The following KLF8 variants were observed in gnomAD, a reference collection of about 807,000 sequenced individuals.
KLF8 encodes Krueppel-like factor 8.
KLF8 carries 10 observed loss-of-function variants against 18.2 expected under a neutral mutation model. The ratio of observed to expected loss-of-function variants is 0.55; its 90% CI spans 0.34 to 0.93. KLF8 has a LOEUF of 0.93. Ranked by LOEUF, KLF8 falls within the 40% of genes least tolerant of loss-of-function variation. The pLI, the probability that KLF8 is intolerant of heterozygous loss-of-function variation, is 0.02. For synonymous variants in KLF8, 109 were observed against 97.3 expected (o/e 1.12, Z -0.71); for missense variants, 264 against 277.9 (o/e 0.95, Z 0.36).
chrX:56,097,251 G>A, the KLF8 span, among the ~76,000 whole-genome samples: 216 of 110,837 alleles, frequency 1.9e-3, no homozygotes, highest in African/African-American at 6.4e-3. Flanking sequence ...ACAAAGCTGC[G>A]TGTGGAGAAG....
chrX:56,111,224 T>G, the KLF8 span, among the ~76,000 whole-genome samples: 2 of 112,509 alleles, frequency 1.8e-5, no homozygotes. Flanking sequence ...TTATGTGTGA[T>G]GCATTATTGC....
chrX:56,142,018 A>G, the KLF8 span, among the ~76,000 whole-genome samples: 1 of 112,151 alleles, frequency 8.9e-6, no homozygotes, highest in Non-Finnish European at 1.9e-5. Context: ...TGTTTCTTGT[A>G]TCTAGAGTAT....
At chrX:56,068,940 G>T in the KLF8 span, among the ~76,000 whole-genome samples, 1 of 112,226 alleles carries the variant, frequency 8.9e-6, no homozygotes, top group Non-Finnish European at 1.9e-5. Context: ...TCCCAGCTTT[G>T]TTATCCTGGG....
chrX:56,246,338 T>C (rs1357089850), intron 1 of KLF8, among the ~76,000 whole-genome samples: 2 of 111,642 alleles, frequency 1.8e-5, no homozygotes, highest in East Asian at 2.8e-4. Context: ...TGCTAAAAGA[T>C]AGGGATACAA....
intron 1 of KLF8, 82 bp downstream of exon 1, chrX:56,233,423 C>T (rs771670250): frequency 2.3e-5 from 17 of 739,684 alleles, no homozygotes; most frequent in Non-Finnish European, 3.6e-5. Flanking sequence ...CCCTGCTCCC[C>T]CCACACACCC....
chrX:56,102,726 G>A, the KLF8 span, among the ~76,000 whole-genome samples: 9 of 110,946 alleles, frequency 8.1e-5, no homozygotes, highest in Admixed American at 4.8e-4. Context: ...TATTGTAAAT[G>A]GGATTGTATT....
At chrX:56,237,840 G>C (rs1179151518) in intron 1 of KLF8, among the ~76,000 whole-genome samples, 1 of 111,711 alleles carries the variant, frequency 9.0e-6, no homozygotes, top group Non-Finnish European at 1.9e-5. Flanking sequence ...TTTTCATGAG[G>C]ACTCTCTTTC....
At chrX:56,132,310 A>C in the KLF8 span, among the ~76,000 whole-genome samples, 1 of 111,788 alleles carries the variant, frequency 8.9e-6, no homozygotes, top group African/African-American at 3.2e-5. Context: ...AGTGGAATAA[A>C]ATTGGAAATC....
chrX:56,178,026 A>C, the KLF8 span, among the ~76,000 whole-genome samples: 583 of 111,698 alleles, frequency 5.2e-3, no homozygotes, highest in African/African-American at 0.015. Flanking sequence ...GGGAAAGGGA[A>C]TTCCCTGACC....
the KLF8 span, among the ~76,000 whole-genome samples, chrX:56,190,529 T>TG: frequency 9.0e-6 from 1 of 111,605 alleles, no homozygotes; most frequent in East Asian, 2.8e-4. Flanking sequence ...AGAATAAATA[T>TG]TTTTTCCTTG....
At chrX:55,949,516 G>A in the KLF8 span, among the ~76,000 whole-genome samples, 2 of 111,138 alleles carry the variant, frequency 1.8e-5, no homozygotes, top group African/African-American at 3.3e-5. Flanking sequence ...AAGAAGCACC[G>A]GGCATGGTGG....
intron 2 of KLF8, among the ~76,000 whole-genome samples, chrX:56,251,287 A>C (rs2066706823): frequency 8.9e-6 from 1 of 112,311 alleles, no homozygotes; most frequent in Non-Finnish European, 1.9e-5. Flanking sequence ...AAATACAGTC[A>C]AAATTAACCT....
chrX:56,081,441 G>T, the KLF8 span, among the ~76,000 whole-genome samples: 1 of 111,836 alleles, frequency 8.9e-6, no homozygotes, highest in Admixed American at 9.5e-5. Context: ...TAGTTTCCGT[G>T]TTTCATTTCC....
At chrX:55,957,031 C>T in the KLF8 span, among the ~76,000 whole-genome samples, 1 of 110,169 alleles carries the variant, frequency 9.1e-6, no homozygotes, top group African/African-American at 3.3e-5. Context: ...AATTTTGGGT[C>T]GTTAGGTCTT....
At chrX:56,215,011 A>G in the KLF8 span, among the ~76,000 whole-genome samples, 3 of 112,463 alleles carry the variant, frequency 2.7e-5, no homozygotes, top group Non-Finnish European at 5.6e-5. Context: ...ATTATGTACT[A>G]TGAGACAGAG....
the KLF8 span, among the ~76,000 whole-genome samples, chrX:56,121,404 C>T: frequency 2.9e-3 from 324 of 110,845 alleles, 4 homozygotes; most frequent in South Asian, 0.014. Flanking sequence ...GGAAAGAGAA[C>T]GTTTCTGAGT....
chrX:55,963,971 CT>C, the KLF8 span, among the ~76,000 whole-genome samples: 1 of 111,682 alleles, frequency 9.0e-6, no homozygotes, highest in South Asian at 3.8e-4. Context: ...CAAAGAAGAT[CT>C]CTCAAAACTC....
the KLF8 span, among the ~76,000 whole-genome samples, chrX:56,153,106 C>T: frequency 9.0e-6 from 1 of 110,736 alleles, no homozygotes; most frequent in Admixed American, 9.7e-5. Context: ...TGTATTTATT[C>T]AAAAATTTAA....
rs2066891479 is a variant in KLF8, at chrX:56,262,236, T to C, written c.82-2944T>C. On this transcript the variant is annotated intron_variant, in intron 2 of 5. Coordinates refer to ENST00000468660, the MANE Select transcript of KLF8 (RefSeq NM_007250.5). ...TGAAAGGACAACTAATGATGGCCTG[T>C]TGGAGCAGGACCCTGTAACACTGTA... Among the ~76,000 whole-genome samples, 4 of 112,194 alleles carry C rather than the reference T, an allele frequency of 3.6e-5. No homozygotes were observed. In the South Asian group the frequency reaches 1.1e-3, roughly 31 times the overall value.
Sources: allele counts gnomAD v4.1 joint callset (sites outside exome capture counted in the v4.1 genomes callset), GRCh38; gene constraint gnomAD v4.1.1; transcripts MANE v1.5; gene names NCBI Gene and HGNC (gene_info 2026-07-23, HGNC 2026-07-21).